RINL: variants seen among roughly 807,000 people sequenced by gnomAD.
RINL encodes ras and Rab interactor-like protein.
A neutral mutation model predicts 58.1 loss-of-function variants in RINL; 39 were observed. The observed-to-expected ratio is 0.67, with a 90% CI of 0.52 to 0.88. The LOEUF is 0.88. Ranked by LOEUF, RINL falls within the 40% of genes least tolerant of loss-of-function variation. The pLI is 0.00. For synonymous variants in RINL, 286 were observed against 323.1 expected, an observed-to-expected ratio of 0.89 and a Z score of 1.23; for missense variants, 711 against 749.2, an observed-to-expected ratio of 0.95 and a Z score of 0.60.
chr19:38,877,319 T>C (rs1972956427), intron 1 of RINL, among the ~76,000 whole-genome samples: 1 of 152,174 alleles, frequency 6.6e-6, no homozygotes, highest in African/African-American at 2.4e-5. Flanking sequence ...ACAATAGCTC[T>C]TTACTGAAGT....
intron 6 of RINL, 40 bp from the exon 7 acceptor site, chr19:38,871,267 A>C: frequency 6.2e-7 from 1 of 1,612,236 alleles, no homozygotes; most frequent in Non-Finnish European, 8.5e-7. Flanking sequence ...TAGGTATCCA[A>C]GGGACCAACC....
In RINL at chr19:38,869,415, G is replaced by A. The variant is rs1268466455; in HGVS notation, c.1475-5C>T. 1 of 1,589,682 alleles carries A rather than the reference G, an allele frequency of 6.3e-7. No homozygotes were observed. Among genetic ancestry groups the A allele is most frequent in the South Asian group, 1.1e-5 (1 of 88,700 alleles). On this transcript the variant is annotated splice_region_variant and splice_polypyrimidine_tract_variant and intron_variant, in intron 10 of 11. Transcript: ENST00000591812. This position sits in a 1 kb window ranked among gnomAD's most constrained non-coding sequence, Gnocchi z 5.7. ...ACGTGGTCAGGTAGTACCCAGCTGG[G>A]GACAGAAAGGGAAGTCAGCTCCGCC...
Position 38,870,209 on chromosome 19 carries a change from G to T in RINL, c.1076C>A (p.Pro359Gln). ...VCQAVLAPLK[P>Q]ALWTRLRTLR... ...TGTGCGGAGTCGTGTCCACAGGGCC[G>T]GCTTCAGGGGCGCCAGCACCGCCTG... Residue 359 changes from proline (P) to glutamine (Q), a missense_variant, in exon 9 of 12, where the codon CCG becomes CAG. Coordinates refer to ENST00000591812, the MANE Select transcript of RINL (RefSeq NM_001195833.2). This position sits in a 1 kb window ranked among gnomAD's most constrained non-coding sequence, Gnocchi z 5.8. 7.2e-7 allele frequency: 1 copy of T among 1,385,208 alleles called. No homozygotes were observed. The highest frequency in any genetic ancestry group is 2.9e-5 in the East Asian group (1 of 34,106). 85.8% of individuals were successfully genotyped at this position (1,385,208 alleles called of 1,614,324 possible).
intron 3 of RINL, 24 bp downstream of exon 3, chr19:38,876,305 ATG>A: frequency 6.5e-7 from 1 of 1,527,248 alleles, no homozygotes; most frequent in Admixed American, 2.0e-5. Flanking sequence ...GGGTGTCAGG[ATG>A]GGCCCCCAGC....
chr19:38,871,998 C>G, intron 4 of RINL, 128 bp from the exon 5 acceptor site: 1 of 709,130 alleles, frequency 1.4e-6, no homozygotes, highest in Admixed American at 2.1e-5. Context: ...GAAGTTCCCA[C>G]TCTTTGGAGT....
In RINL at chr19:38,869,168, T is replaced by C. The variant is rs1199785951; in HGVS notation, c.1639-2A>G. The C allele has an allele frequency of 1.2e-6, 2 of 1,614,040 alleles. No homozygotes were observed. Among genetic ancestry groups the C allele is most frequent in the African/African-American group, 2.7e-5 (2 of 74,934 alleles). ...TGGCTCCTTAAAGGGCAGGTTGGCC[T>C]GTGGGGAGAGGTGGGAGCTGGGTCA... On this transcript the variant is annotated splice_acceptor_variant, in intron 11 of 11. Transcript: ENST00000591812. LOFTEE classifies it high-confidence loss of function. The surrounding 1 kb of genome is among the most constrained non-coding windows in gnomAD (Gnocchi z 5.7).
At chr19:38,872,724 A>C (rs991352806) in intron 4 of RINL, among the ~76,000 whole-genome samples, 1 of 151,936 alleles carries the variant, frequency 6.6e-6, no homozygotes, top group Non-Finnish European at 1.5e-5. Flanking sequence ...AATACAAAAA[A>C]TTGGGAGGTG....
chr19:38,878,073 G>A (rs1477950307), intron 1 of RINL, among the ~76,000 whole-genome samples, 159 bp downstream of exon 1: 1 of 152,202 alleles, frequency 6.6e-6, no homozygotes, highest in Admixed American at 6.5e-5. Context: ...GAAGGGAGGG[G>A]AGGGGAGGGG....
intron 6 of RINL, 67 bp from the exon 7 acceptor site, chr19:38,871,294 G>T (rs995337005): frequency 2.6e-6 from 4 of 1,553,292 alleles, no homozygotes; most frequent in Admixed American, 3.5e-5. Context: ...CCCTCAAGGC[G>T]CCAGGAGACT....
chr19:38,875,538 G>A (rs528830628), intron 3 of RINL, among the ~76,000 whole-genome samples: 4 of 151,040 alleles, frequency 2.6e-5, no homozygotes, highest in East Asian at 3.9e-4. Flanking sequence ...TTAGCCGGGC[G>A]TTGTGGCAGA....
chr19:38,876,584 CAG>C, intron 2 of RINL, 94 bp from the exon 3 acceptor site: 1 of 1,448,194 alleles, frequency 6.9e-7, no homozygotes, highest in East Asian at 2.5e-5. Flanking sequence ...AGGCCCAGGG[CAG>C]AGGCTCAGAG....
Position 38,869,767 on chromosome 19 carries a change from C to T in RINL, c.1343-63G>A. 6.2e-7 allele frequency: 1 copy of T among 1,602,722 alleles called. No individual in the cohort carries two copies. Among genetic ancestry groups the T allele is most frequent in the South Asian group, 1.1e-5 (1 of 90,466 alleles). On this transcript the variant is annotated intron_variant, in intron 9 of 11. Transcript: ENST00000591812. This position sits in a 1 kb window ranked among gnomAD's most constrained non-coding sequence, Gnocchi z 5.7. ...CATCTCAAGGCGCGTAGACACCTTC[C>T]ATCCGATCCCCAGGACCACGAGGGC... is the stretch of plus-strand genomic sequence containing the variant.
At chr19:38,875,494 G>A (rs909729284) in intron 3 of RINL, among the ~76,000 whole-genome samples, 5 of 151,888 alleles carry the variant, frequency 3.3e-5, no homozygotes, top group African/African-American at 1.2e-4. Flanking sequence ...TGGCCAACAT[G>A]GTGAAATCCC....
At chr19:38,873,031 G>C (rs977219165) in intron 4 of RINL, among the ~76,000 whole-genome samples, 2 of 152,110 alleles carry the variant, frequency 1.3e-5, no homozygotes, top group Non-Finnish European at 2.9e-5. Context: ...TTGGGCCACT[G>C]CACTCCGCCT....
intron 4 of RINL, among the ~76,000 whole-genome samples, chr19:38,872,387 G>A (rs1181598741): frequency 2.6e-5 from 4 of 152,048 alleles, no homozygotes; most frequent in Non-Finnish European, 5.9e-5. Flanking sequence ...TTGGGAGCCT[G>A]AGGCAGGAGA....
chr19:38,870,217 G>C lies in RINL; in HGVS notation c.1068C>G (p.Pro356=). The change falls in exon 9 of 12, where the codon CCC becomes CCG. Residue 356 remains proline (P), a synonymous_variant. Transcript: ENST00000591812. The surrounding 1 kb of genome is among the most constrained non-coding windows in gnomAD (Gnocchi z 5.8). ...ETAVCQAVLA[P]LKPALWTRLR... is the part of the protein sequence containing the mutation. ...GTCGTGTCCACAGGGCCGGCTTCAGGGGCGCCAGCACCGCCTGGCACACCG... is the reference window on the plus strand; with the variant it reads ...GTCGTGTCCACAGGGCCGGCTTCAGCGGCGCCAGCACCGCCTGGCACACCG... 1.4e-6 allele frequency: 2 copies of C among 1,386,746 alleles called. No individual in the cohort carries two copies. Among genetic ancestry groups the C allele is most frequent in the Non-Finnish European group, 9.3e-7 (1 of 1,078,666 alleles). The allele number at this position is 1,386,746 out of a possible 1,614,324, so 85.9% of individuals were successfully genotyped here.
Position 38,870,323 on chromosome 19 carries a change from C to T in RINL, c.1025-63G>A. The T allele has an allele frequency of 6.3e-6, 8 of 1,272,594 alleles. No individual in the cohort carries two copies. The South Asian group carries it at 8.3e-5, about 13-fold the overall frequency. The allele number at this position is 1,272,594 out of a possible 1,614,324, so 78.8% of individuals were successfully genotyped here. On this transcript the variant is annotated intron_variant, in intron 8 of 11. Transcript: ENST00000591812. This position sits in a 1 kb window ranked among gnomAD's most constrained non-coding sequence, Gnocchi z 5.8. ...AAGTTGTCCCACGCCCACCCACGCG[C>T]TCCAACAACCCACCCTGGCCCACAG...
At position 38,876,333 on chromosome 19, in the gene RINL, C is replaced by T; in HGVS notation, c.208G>A (p.Gly70Arg). ...GGCCCCCAGCTGTGAGTACTCACCC[C>T]TAGTGGCCACAGCCCCACAAGGGCC... ...AEALVGLWPL[G>R]SFLVTGRDPS... The change falls in exon 3 of 12, where the codon GGG becomes AGG. Residue 70 changes from glycine to arginine, a missense_variant and splice_region_variant. Coordinates refer to ENST00000591812, the MANE Select transcript of RINL (RefSeq NM_001195833.2). 1 of 1,536,000 alleles carries T rather than the reference C, an allele frequency of 6.5e-7. No individual in the cohort carries two copies. The highest frequency in any genetic ancestry group is 2.0e-5 in the Admixed American group (1 of 50,986).
chr19:38,874,176 T>C (rs1377603986), intron 3 of RINL, among the ~76,000 whole-genome samples, 188 bp from the exon 4 acceptor site: 4 of 152,180 alleles, frequency 2.6e-5, no homozygotes, highest in African/African-American at 9.7e-5. Flanking sequence ...GGTGGGCCCA[T>C]GACCTGATCT....
Sources: gnomAD v4.1 joint callset for allele counts (sites outside exome capture counted in the v4.1 genomes callset) on GRCh38, gnomAD v4.1.1 for gene constraint, Gnocchi (gnomAD v3.1) non-coding constraint, MANE v1.5 for transcripts, NCBI Gene and HGNC (gene_info 2026-07-23, HGNC 2026-07-21) for gene names.